KCNJ6: variants seen among roughly 807,000 people sequenced by gnomAD.
KCNJ6 encodes potassium inwardly rectifying channel subfamily J member 6.
KCNJ6 carries 9 observed loss-of-function variants against 34.2 expected under a neutral mutation model. That is an observed-to-expected ratio of 0.26 (90% CI 0.16 to 0.46). The LOEUF is 0.46. KCNJ6 is among the 20% of genes least tolerant of loss of function. The pLI, the probability that KCNJ6 is intolerant of heterozygous loss-of-function variation, is 1.00. For missense variants in KCNJ6, 236 were observed against 531.3 expected (o/e 0.44, Z 5.46); for synonymous variants, 196 against 207.1 (o/e 0.95, Z 0.46).
chr21:37,829,070 C>G (rs1376618798), intron 2 of KCNJ6, among the ~76,000 whole-genome samples: 3 of 152,204 alleles, frequency 2.0e-5, no homozygotes, highest in Non-Finnish European at 2.9e-5. Flanking sequence ...TCCTATTGCC[C>G]TCTGCCTTGC....
intron 2 of KCNJ6, among the ~76,000 whole-genome samples, chr21:37,735,002 C>G (rs372316919): frequency 6.6e-6 from 1 of 152,136 alleles, no homozygotes. Flanking sequence ...CTTCACGATT[C>G]GCTCAGGGCC....
At chr21:37,783,662 T>G (rs1568847142) in intron 2 of KCNJ6, among the ~76,000 whole-genome samples, 1 of 152,240 alleles carries the variant, frequency 6.6e-6, no homozygotes, top group Non-Finnish European at 1.5e-5. Flanking sequence ...TTAGAGGGTA[T>G]CAATTCCCTG....
chr21:37,655,178 TTTGTGTGTGTGTGTGTGTGTGTGTGTG>T (rs2054452336), intron 3 of KCNJ6, among the ~76,000 whole-genome samples: 1 of 78,038 alleles, frequency 1.3e-5, no homozygotes, highest in Non-Finnish European at 2.7e-5. Flanking sequence ...ACTCTAGACA[TTTGTGTGTGTGTGTGTGTGTGTGTGTG>T]TGTGTGTGTG....
chr21:37,707,735 G>GTGTGTGTGTGTGTGTGT (rs1267356647), intron 3 of KCNJ6, among the ~76,000 whole-genome samples: 1 of 149,680 alleles, frequency 6.7e-6, no homozygotes, highest in African/African-American at 2.5e-5. Context: ...GTGTGTGTGT[G>GTGTGTGTGTGTGTGTGT]AATAATTTAC....
chr21:37,626,575 T>C (rs1291640216), intron 3 of KCNJ6, among the ~76,000 whole-genome samples: 1 of 152,200 alleles, frequency 6.6e-6, no homozygotes, highest in Non-Finnish European at 1.5e-5. Context: ...AGCCACCTCC[T>C]TGGAAAATAA....
chr21:37,806,330 A>G (rs2055293313), intron 2 of KCNJ6, among the ~76,000 whole-genome samples: 1 of 152,194 alleles, frequency 6.6e-6, no homozygotes, highest in South Asian at 2.1e-4. Context: ...GCCTACTATG[A>G]GTCAGGCACT....
In KCNJ6 at chr21:37,625,361, G is replaced by A. The variant is rs2054306311; in HGVS notation, c.1070C>T (p.Thr357Ile). Residue 357 changes from threonine to isoleucine, a missense_variant, in exon 4 of 4, where the codon ACC becomes ATC. Around this residue, in one of 5 missense-constraint regions of KCNJ6, gnomAD observed 60 missense variants for 207.3 expected, o/e 0.29. Coordinates refer to ENST00000609713, the MANE Select transcript of KCNJ6 (RefSeq NM_002240.5). ...AAGGGATGGGGTGCTGGTCTCATAG[G>A]TCTCATGGAAGCTGTTGTAGTCAAC... The part of the protein sequence containing the change: ...YEVDYNSFHE[T>I]YETSTPSLSA... 8.1e-6 allele frequency: 13 copies of A among 1,614,234 alleles called. No homozygotes were observed. The East Asian group carries it at 2.9e-4, about 36-fold the overall frequency.
intron 3 of KCNJ6, among the ~76,000 whole-genome samples, chr21:37,646,541 C>T (rs139571499): frequency 0.013 from 1,998 of 152,328 alleles, 22 homozygotes; most frequent in Non-Finnish European, 0.022. Flanking sequence ...ACTGTTTTCC[C>T]TCTAGGGAGG....
chr21:37,627,886 G>C (rs542163587), intron 3 of KCNJ6, among the ~76,000 whole-genome samples: 1 of 152,210 alleles, frequency 6.6e-6, no homozygotes, highest in Non-Finnish European at 1.5e-5. Flanking sequence ...AAGACTGGGA[G>C]ATTTTTGGTT....
chr21:37,841,348 A>T (rs2055479848), intron 1 of KCNJ6, among the ~76,000 whole-genome samples: 1 of 152,202 alleles, frequency 6.6e-6, no homozygotes, highest in Non-Finnish European at 1.5e-5. Flanking sequence ...TATTAAGAAT[A>T]CTGGTCATCT....
chr21:37,780,130 AAAAGACATAGTTTTTAAGCCACAG>A (rs377154226), intron 2 of KCNJ6, among the ~76,000 whole-genome samples: 3,283 of 152,330 alleles, frequency 0.022, 53 homozygotes, highest in South Asian at 0.039. Context: ...TTCAGCAATA[AAAAGACATAGTTTTTAAGCCACAG>A]AAAGACCTGG....
intron 3 of KCNJ6, among the ~76,000 whole-genome samples, chr21:37,632,213 C>G (rs2054337079): frequency 7.2e-6 from 1 of 139,788 alleles, no homozygotes; most frequent in Non-Finnish European, 1.6e-5. Context: ...TTTGCATGCA[C>G]AGGACGGAAA....
At chr21:37,740,744 CT>C (rs2123476035) in intron 2 of KCNJ6, among the ~76,000 whole-genome samples, 2 of 152,338 alleles carry the variant, frequency 1.3e-5, no homozygotes, top group African/African-American at 4.8e-5. Flanking sequence ...TGCCATTCCC[CT>C]GTTCCTGGAG....
intron 3 of KCNJ6, among the ~76,000 whole-genome samples, chr21:37,670,211 A>C (rs895167394): frequency 2.0e-5 from 3 of 152,000 alleles, no homozygotes; most frequent in African/African-American, 7.3e-5. Context: ...ATTCTATTCC[A>C]CTGGTTTAGA....
At chr21:37,794,967 G>T (rs548981627) in intron 2 of KCNJ6, among the ~76,000 whole-genome samples, 2 of 152,262 alleles carry the variant, frequency 1.3e-5, no homozygotes, top group Admixed American at 6.5e-5. Flanking sequence ...TTCCGCCCAT[G>T]AATGAGTTAG....
At chr21:37,637,510 G>T (rs1377500782) in intron 3 of KCNJ6, among the ~76,000 whole-genome samples, 1 of 152,188 alleles carries the variant, frequency 6.6e-6, no homozygotes, top group East Asian at 1.9e-4. Context: ...GTTATTTATT[G>T]AGTGTTTACT....
intron 2 of KCNJ6, among the ~76,000 whole-genome samples, chr21:37,725,247 G>A (rs1328200445): frequency 6.6e-6 from 1 of 152,108 alleles, no homozygotes; most frequent in African/African-American, 2.4e-5. Flanking sequence ...ACAAAAATTA[G>A]CTGGGCATGG....
Position 37,615,481 on chromosome 21 carries a change from T to G in KCNJ6, c.*9678A>C, listed in dbSNP as rs2054263499. On this transcript the variant is annotated 3_prime_UTR_variant, in exon 4 of 4. Transcript: ENST00000609713. ...AGAATTGTTACTGGTGAGCAGAGTT[T>G]ATTCTTGCCTGGTCCATGGGGCCAG... 2.0e-5 allele frequency: 3 copies of G among 152,224 alleles called. No homozygotes were observed. The highest frequency in any genetic ancestry group is 2.0e-4 in the Admixed American group (3 of 15,282). The allele number at this position is 152,224 out of a possible 1,614,324, so 9.4% of individuals were successfully genotyped here. A position where few individuals can be genotyped will look rare whatever the true frequency, so the allele number is the denominator to read the frequency against.
rs568784110 is a variant in KCNJ6, at chr21:37,761,192, ATGTG to A, written c.26-46065_26-46062del. Among the ~76,000 whole-genome samples the A allele has an allele frequency of 6.8e-3, 1,005 of 147,480 alleles. 9 individuals are homozygous for A. Among genetic ancestry groups the A allele is most frequent in the African/African-American group, 0.023 (922 of 39,856 alleles). On this transcript the variant is annotated intron_variant, in intron 2 of 3. Transcript: ENST00000609713. ...TGTGTTGTGTGTGCATGTGTGTGCG[ATGTG>A]TGTGTATGTATTGTGTGTGTGTGTG...
Sources: allele counts gnomAD v4.1 joint callset (sites outside exome capture counted in the v4.1 genomes callset), GRCh38; gene constraint gnomAD v4.1.1; regional missense constraint gnomAD v4.1.1; transcripts MANE v1.5; gene names NCBI Gene and HGNC (gene_info 2026-07-23, HGNC 2026-07-21).